Variants in TTC29 observed in about 807,000 individuals in gnomAD.
TTC29 encodes the protein tetratricopeptide repeat protein 29.
TTC29 carries 49 observed loss-of-function variants against 58.1 expected under a neutral mutation model. That is an observed-to-expected ratio of 0.84 (90% confidence interval 0.67 to 1.07). TTC29 has a LOEUF of 1.07. TTC29 is among the 50% of genes least tolerant of loss of function. The pLI, the probability that TTC29 is intolerant of heterozygous loss-of-function variation, is 0.00. For missense variants in TTC29, 582 were observed against 555.6 expected (o/e 1.05, Z -0.48); for synonymous variants, 209 against 196.8 (o/e 1.06, Z -0.52).
intron 8 of TTC29, among the ~76,000 whole-genome samples, chr4:146,861,887 A>G (rs1730256675): frequency 6.6e-6 from 1 of 152,186 alleles, no homozygotes; most frequent in African/African-American, 2.4e-5. Flanking sequence ...TGAGAATTTG[A>G]AAATATTCCA....
intron 11 of TTC29, among the ~76,000 whole-genome samples, chr4:146,748,448 A>C (rs1745713893): frequency 6.6e-6 from 1 of 152,150 alleles, no homozygotes; most frequent in Admixed American, 6.6e-5. Flanking sequence ...GGAACCCAGC[A>C]CCACTGTGAC....
chr4:146,840,743 C>T (rs1459858778), intron 8 of TTC29, among the ~76,000 whole-genome samples: 1 of 152,028 alleles, frequency 6.6e-6, no homozygotes, highest in Non-Finnish European at 1.5e-5. Context: ...CAAAGGAATA[C>T]AACCAGGAGA....
intron 8 of TTC29, among the ~76,000 whole-genome samples, chr4:146,847,519 A>C (rs1729249319): frequency 6.6e-6 from 1 of 152,146 alleles, no homozygotes; most frequent in African/African-American, 2.4e-5. Flanking sequence ...TGTGGTGCAG[A>C]GTGCTGAGCA....
At chr4:146,908,432 T>C (rs1253832884) in intron 5 of TTC29, among the ~76,000 whole-genome samples, 1 of 152,202 alleles carries the variant, frequency 6.6e-6, no homozygotes, top group Non-Finnish European at 1.5e-5. Flanking sequence ...TTGGAATGTA[T>C]ACTAACTTTC....
chr4:146,853,883 G>A (rs1729668159), intron 8 of TTC29, among the ~76,000 whole-genome samples: 1 of 152,078 alleles, frequency 6.6e-6, no homozygotes, highest in Non-Finnish European at 1.5e-5. Context: ...CACTGACAGA[G>A]TGGCCAAGGG....
intron 4 of TTC29, among the ~76,000 whole-genome samples, chr4:146,929,410 A>G (rs1449265210): frequency 1.3e-5 from 2 of 151,624 alleles, no homozygotes; most frequent in Non-Finnish European, 3.0e-5. Flanking sequence ...TATCTTCCCC[A>G]TGTCAGCTAG....
chr4:146,937,448 C>G (rs1735931410), intron 4 of TTC29, 146 bp downstream of exon 4: 1 of 589,782 alleles, frequency 1.7e-6, no homozygotes, highest in Non-Finnish European at 3.0e-6. Context: ...ATAGACATGA[C>G]TTATCACTAT....
chr4:146,739,398 C>A (rs754612728), intron 11 of TTC29, among the ~76,000 whole-genome samples: 4 of 152,144 alleles, frequency 2.6e-5, no homozygotes, highest in Non-Finnish European at 5.9e-5. Flanking sequence ...TTTGGAACTC[C>A]TCTAACACTT....
rs187736105 is a variant in TTC29 at position 146,781,218 on chromosome 4, T to G, written c.1330+22239A>C. ...ACACAATAAAATCTATAATGATACATGAGTAGAATAATCGCTGGATTGAAT... is the reference window on the plus strand; with the variant it reads ...ACACAATAAAATCTATAATGATACAGGAGTAGAATAATCGCTGGATTGAAT... On this transcript the variant is annotated intron_variant, in intron 11 of 12. Coordinates refer to ENST00000325106, the MANE Select transcript of TTC29 (RefSeq NM_031956.4). Among the ~76,000 whole-genome samples, 24 of 152,060 alleles carry G rather than the reference T, an allele frequency of 1.6e-4. No individual in the cohort carries two copies. In the East Asian group the frequency reaches 4.6e-3, roughly 29 times the overall value.
At chr4:146,806,510 T>A (rs1055925753) in intron 10 of TTC29, among the ~76,000 whole-genome samples, 16 of 152,006 alleles carry the variant, frequency 1.1e-4, no homozygotes, top group African/African-American at 3.9e-4. Context: ...AAGGCACATA[T>A]AGACTTAAAA....
intron 8 of TTC29, among the ~76,000 whole-genome samples, chr4:146,846,443 A>C (rs1047773435): frequency 2.0e-5 from 3 of 152,100 alleles, no homozygotes; most frequent in Non-Finnish European, 2.9e-5. Context: ...AATATAAAAC[A>C]TTTTTTCTTC....
At chr4:146,709,426 T>C (rs1742324270) in intron 11 of TTC29, among the ~76,000 whole-genome samples, 1 of 152,092 alleles carries the variant, frequency 6.6e-6, no homozygotes, top group Non-Finnish European at 1.5e-5. Flanking sequence ...CTGTCTCTTC[T>C]TCCTTCCTTA....
chr4:146,856,853 C>T (rs998495515), intron 8 of TTC29, among the ~76,000 whole-genome samples: 2 of 151,526 alleles, frequency 1.3e-5, no homozygotes, highest in African/African-American at 2.4e-5. Flanking sequence ...TAAATTAGTA[C>T]CATAAAGTTA....
intron 6 of TTC29, among the ~76,000 whole-genome samples, chr4:146,897,073 G>A (rs1268181973): frequency 2.0e-5 from 3 of 152,128 alleles, no homozygotes; most frequent in African/African-American, 4.8e-5. Flanking sequence ...GGCAAGCAGA[G>A]TGGACAGTCT....
intron 6 of TTC29, among the ~76,000 whole-genome samples, chr4:146,894,172 A>G (rs1181188395): frequency 6.6e-6 from 1 of 152,174 alleles, no homozygotes; most frequent in Non-Finnish European, 1.5e-5. Flanking sequence ...CAGCAATCCC[A>G]TTACTGGGTA....
chr4:146,932,086 G>A (rs543830566), intron 4 of TTC29, among the ~76,000 whole-genome samples: 1 of 151,602 alleles, frequency 6.6e-6, no homozygotes, highest in East Asian at 1.9e-4. Flanking sequence ...TCACATCCTA[G>A]AGATCTGATC....
intron 11 of TTC29, among the ~76,000 whole-genome samples, chr4:146,735,351 G>T (rs578196903): frequency 5.3e-5 from 8 of 152,232 alleles, no homozygotes; most frequent in African/African-American, 1.9e-4. Context: ...AGGTTTTTGA[G>T]GAACCTTTAC....
At chr4:146,824,164 A>G (rs1227924062) in intron 9 of TTC29, among the ~76,000 whole-genome samples, 2 of 152,210 alleles carry the variant, frequency 1.3e-5, no homozygotes, top group African/African-American at 4.8e-5. Flanking sequence ...GAAAGAAGGT[A>G]TCCTTGTCTT....
At chr4:146,745,062 G>T (rs576234753) in intron 11 of TTC29, among the ~76,000 whole-genome samples, 2 of 152,304 alleles carry the variant, frequency 1.3e-5, no homozygotes, top group Non-Finnish European at 2.9e-5. Flanking sequence ...CCAGATGCCT[G>T]GTATGGGCAT....
Sources: allele counts gnomAD v4.1 joint callset (sites outside exome capture counted in the v4.1 genomes callset), GRCh38; gene constraint gnomAD v4.1.1; transcripts MANE v1.5; gene names NCBI Gene and HGNC (gene_info 2026-07-23, HGNC 2026-07-21).